Variants in DLG2 observed in about 807,000 individuals in gnomAD.
The protein encoded by DLG2 is disks large homolog 2.
Under a neutral mutation model 132.5 loss-of-function variants are expected in DLG2, and 45 were observed. That is an observed-to-expected ratio of 0.34 (90% CI 0.27 to 0.44). The LOEUF is 0.44. DLG2 is among the 20% of genes least tolerant of loss of function. DLG2 has a pLI of 1.00. For missense variants in DLG2, 1,045 were observed against 1,196.9 expected, an observed-to-expected ratio of 0.87 and a Z score of 1.87; for synonymous variants, 424 against 419.6, an observed-to-expected ratio of 1.01 and a Z score of -0.13.
chr11:84,912,567 T>C (rs1263932966), intron 6 of DLG2, among the ~76,000 whole-genome samples: 3 of 152,262 alleles, frequency 2.0e-5, no homozygotes, highest in Non-Finnish European at 2.9e-5. Flanking sequence ...ACTAACCATT[T>C]CAATTACACC....
intron 6 of DLG2, among the ~76,000 whole-genome samples, chr11:84,822,502 G>A (rs770533181): frequency 1.1e-4 from 16 of 151,760 alleles, no homozygotes; most frequent in South Asian, 6.2e-4. Context: ...ATTTAAACTC[G>A]CCTCAAAAGT....
At chr11:84,689,787 C>T (rs911096122) in intron 6 of DLG2, among the ~76,000 whole-genome samples, 26 of 151,544 alleles carry the variant, frequency 1.7e-4, no homozygotes, top group Non-Finnish European at 1.5e-5. Flanking sequence ...AAATAAATAG[C>T]TAAGTTAACG....
At chr11:83,498,437 A>G (rs943531758) in intron 21 of DLG2, among the ~76,000 whole-genome samples, 5 of 152,080 alleles carry the variant, frequency 3.3e-5, no homozygotes, top group African/African-American at 1.2e-4. Flanking sequence ...AAATTAAGCA[A>G]CACTCTCCTA....
At chr11:84,522,699 T>A (rs1167371171) in intron 7 of DLG2, among the ~76,000 whole-genome samples, 1 of 152,228 alleles carries the variant, frequency 6.6e-6, no homozygotes, top group Non-Finnish European at 1.5e-5. Context: ...TTCTGTCTTA[T>A]ATAAGATTAC....
chr11:84,072,821 G>T (rs1279929602), intron 10 of DLG2, among the ~76,000 whole-genome samples: 1 of 152,192 alleles, frequency 6.6e-6, no homozygotes, highest in East Asian at 1.9e-4. Context: ...AAGAAAGCAA[G>T]AATTGTTGTT....
intron 18 of DLG2, among the ~76,000 whole-genome samples, chr11:83,710,093 C>G (rs962567330): frequency 1.3e-5 from 2 of 151,892 alleles, no homozygotes; most frequent in African/African-American, 2.4e-5. Flanking sequence ...GAGGTGGGTA[C>G]ACTGTCCTGA....
intron 10 of DLG2, among the ~76,000 whole-genome samples, chr11:84,065,531 A>G (rs2096657769): frequency 6.6e-6 from 1 of 152,220 alleles, no homozygotes; most frequent in South Asian, 2.1e-4. Flanking sequence ...ATCTCACACC[A>G]ATCTGAATGA....
chr11:84,173,931 A>G (rs2095878549), intron 8 of DLG2, among the ~76,000 whole-genome samples: 1 of 142,432 alleles, frequency 7.0e-6, no homozygotes, highest in Middle Eastern at 4.2e-3. Flanking sequence ...CATTTATTTT[A>G]CTCCTGCCAG....
At chr11:84,824,092 CTTG>C (rs1399937533) in intron 6 of DLG2, among the ~76,000 whole-genome samples, 1 of 151,852 alleles carries the variant, frequency 6.6e-6, no homozygotes, top group African/African-American at 2.4e-5. Context: ...AAACTCAACT[CTTG>C]TTGTATGTCC....
chr11:85,409,355 A>C (rs286040), intron 3 of DLG2, among the ~76,000 whole-genome samples: 1 of 151,722 alleles, frequency 6.6e-6, no homozygotes, highest in Non-Finnish European at 1.5e-5. Flanking sequence ...AAAGGCATCC[A>C]GAGCCACTTT....
chr11:85,214,725 A>G (rs1290212868), intron 4 of DLG2, among the ~76,000 whole-genome samples: 1 of 152,184 alleles, frequency 6.6e-6, no homozygotes. Flanking sequence ...TCCACATAAA[A>G]CTACTTTAAA....
intron 7 of DLG2, among the ~76,000 whole-genome samples, chr11:84,429,452 T>G (rs1309984514): frequency 6.6e-6 from 1 of 152,104 alleles, no homozygotes; most frequent in African/African-American, 2.4e-5. Flanking sequence ...TGGTCTTAAT[T>G]CCTATACTTA....
At chr11:84,653,223 C>T (rs1413356649) in intron 6 of DLG2, among the ~76,000 whole-genome samples, 1 of 152,144 alleles carries the variant, frequency 6.6e-6, no homozygotes, top group Non-Finnish European at 1.5e-5. Flanking sequence ...AGCCACTGCA[C>T]CTTGCCCAAT....
chr11:84,684,193 T>C (rs944212342), intron 6 of DLG2, among the ~76,000 whole-genome samples: 3 of 152,186 alleles, frequency 2.0e-5, no homozygotes, highest in Non-Finnish European at 4.4e-5. Context: ...AAAAATGTAT[T>C]GAAAGATCTG....
At chr11:84,614,166 A>G (rs1368348088) in intron 6 of DLG2, among the ~76,000 whole-genome samples, 6 of 152,200 alleles carry the variant, frequency 3.9e-5, no homozygotes, top group African/African-American at 1.4e-4. Flanking sequence ...AGGTGATAGG[A>G]AAATAAATGG....
chr11:84,695,713 G>A (rs2058547358), intron 6 of DLG2, among the ~76,000 whole-genome samples: 1 of 151,412 alleles, frequency 6.6e-6, no homozygotes, highest in African/African-American at 2.4e-5. Context: ...CTATTGAACA[G>A]GAAGAACACA....
At chr11:85,535,223 T>C (rs569199390) in intron 3 of DLG2, among the ~76,000 whole-genome samples, 3 of 152,280 alleles carry the variant, frequency 2.0e-5, no homozygotes, top group Admixed American at 6.5e-5. Flanking sequence ...AGTGTGGTGA[T>C]GCGGAGTATT....
At chr11:85,120,522 T>A (rs1029087386) in intron 5 of DLG2, among the ~76,000 whole-genome samples, 5 of 152,080 alleles carry the variant, frequency 3.3e-5, no homozygotes, top group Non-Finnish European at 5.9e-5. Context: ...ATAAATTTTT[T>A]AAATTTTTAT....
At chr11:83,480,282 T>G in intron 22 of DLG2, 4 of 1,039,604 alleles carry the variant, frequency 3.8e-6, no homozygotes, top group Non-Finnish European at 5.7e-6. Flanking sequence ...AAGGTAGCAA[T>G]TGAAAAACAA....
Sources: allele counts gnomAD v4.1 joint callset (sites outside exome capture counted in the v4.1 genomes callset), GRCh38; gene constraint gnomAD v4.1.1; transcripts MANE v1.5; gene names NCBI Gene and HGNC (gene_info 2026-07-23, HGNC 2026-07-21).